Variants in MMP24 observed in about 807,000 individuals in gnomAD.
MMP24 encodes the protein matrix metallopeptidase 24.
MMP24 carries 25 observed loss-of-function variants against 62.8 expected under a neutral mutation model. That is an observed-to-expected ratio of 0.40 (90% CI 0.29 to 0.56). The LOEUF is 0.56. Ranked by LOEUF, MMP24 falls within the 20% of genes least tolerant of loss-of-function variation. The pLI is 0.50. For synonymous variants in MMP24, 319 were observed against 350.5 expected, an observed-to-expected ratio of 0.91 and a Z score of 1.00; for missense variants, 634 against 853.6, an observed-to-expected ratio of 0.74 and a Z score of 3.21.
At chr20:35,266,225 G>T (rs1008973254) in intron 5 of MMP24, among the ~76,000 whole-genome samples, 2 of 147,752 alleles carry the variant, frequency 1.4e-5, no homozygotes, top group South Asian at 4.3e-4. Context: ...GGTGGTACGT[G>T]CCTGTAGTCC....
At chr20:35,245,377 T>C (rs1374163657) in intron 1 of MMP24, among the ~76,000 whole-genome samples, 1 of 152,180 alleles carries the variant, frequency 6.6e-6, no homozygotes. Flanking sequence ...CATCTAACTA[T>C]ACTTACTTTA....
At chr20:35,260,262 G>A (rs777757350) in intron 4 of MMP24, among the ~76,000 whole-genome samples, 1 of 152,150 alleles carries the variant, frequency 6.6e-6, no homozygotes, top group Non-Finnish European at 1.5e-5. Context: ...CAGGATACTG[G>A]CTCCCTCGCT....
chr20:35,273,707 C>T (rs6060340), intron 8 of MMP24, among the ~76,000 whole-genome samples: 6 of 152,282 alleles, frequency 3.9e-5, no homozygotes, highest in African/African-American at 1.2e-4. Context: ...GGCTGTTGCT[C>T]GAGCCCTGGG....
At chr20:35,267,511 G>T (rs2060642552) in intron 6 of MMP24, 92 bp downstream of exon 6, 2 of 1,340,452 alleles carry the variant, frequency 1.5e-6, no homozygotes, top group African/African-American at 2.9e-5. Flanking sequence ...CCTGATTTGG[G>T]ATTCGATTAC....
At chr20:35,268,857 C>G (rs1426494871) in intron 6 of MMP24, among the ~76,000 whole-genome samples, 3 of 152,016 alleles carry the variant, frequency 2.0e-5, no homozygotes, top group Non-Finnish European at 4.4e-5. Context: ...GAAACCCCAT[C>G]TCTACTAAAA....
intron 4 of MMP24, 69 bp from the exon 5 acceptor site, chr20:35,263,722 T>C: frequency 7.5e-7 from 1 of 1,333,728 alleles, no homozygotes; most frequent in Non-Finnish European, 1.0e-6. Context: ...TTTGCTGAGG[T>C]AATGGGTTGG....
chr20:35,251,116 C>CT (rs59317276), intron 2 of MMP24, among the ~76,000 whole-genome samples: 4,567 of 138,748 alleles, frequency 0.033, 76 homozygotes, highest in Middle Eastern at 0.045. Context: ...TAAGCCACTT[C>CT]TTTTTTTTTT....
At chr20:35,273,846 G>A (rs376011902) in intron 8 of MMP24, among the ~76,000 whole-genome samples, 1 of 152,216 alleles carries the variant, frequency 6.6e-6, no homozygotes, top group Non-Finnish European at 1.5e-5. Flanking sequence ...GAGAGGTCTT[G>A]CTGTCAACAC....
intron 4 of MMP24, among the ~76,000 whole-genome samples, chr20:35,261,650 T>C (rs1432975068): frequency 6.6e-6 from 1 of 152,116 alleles, no homozygotes; most frequent in Non-Finnish European, 1.5e-5. Context: ...TAGCCAACAG[T>C]TCCCTGCTTC....
At chr20:35,232,790 G>C (rs1015796198) in intron 1 of MMP24, among the ~76,000 whole-genome samples, 5 of 152,186 alleles carry the variant, frequency 3.3e-5, no homozygotes, top group Non-Finnish European at 4.4e-5. Flanking sequence ...ACTGAGAGCA[G>C]ATTGTGCATT....
intron 5 of MMP24, 52 bp downstream of exon 5, chr20:35,264,004 C>G (rs112149535): frequency 6.6e-7 from 1 of 1,519,932 alleles, no homozygotes. Flanking sequence ...TGGGCTGTGA[C>G]TGCCTACCTG....
chr20:35,250,704 G>A (rs919013355), intron 2 of MMP24, among the ~76,000 whole-genome samples: 1 of 152,110 alleles, frequency 6.6e-6, no homozygotes, highest in Non-Finnish European at 1.5e-5. Context: ...AATCGTAGTA[G>A]AAGGCAAAGG....
chr20:35,268,318 G>A (rs1273391209), intron 6 of MMP24, among the ~76,000 whole-genome samples: 2 of 152,224 alleles, frequency 1.3e-5, no homozygotes, highest in African/African-American at 4.8e-5. Flanking sequence ...TGGCCACTGG[G>A]GCAACAAGCC....
At chr20:35,252,669 GCAGGATCCATCTCCAAGTCAGAT>G (rs1247758235) in intron 3 of MMP24, among the ~76,000 whole-genome samples, 1 of 152,242 alleles carries the variant, frequency 6.6e-6, no homozygotes, top group Non-Finnish European at 1.5e-5. Flanking sequence ...CAAGGGCAGA[GCAGGATCCATCTCCAAGTCAGAT>G]CAGTGGCCCA....
At chr20:35,252,045 C>T (rs779689470) in intron 3 of MMP24, 24 bp downstream of exon 3, 8 of 1,569,452 alleles carry the variant, frequency 5.1e-6, no homozygotes, top group Middle Eastern at 1.7e-4. Context: ...CCCTCTTCCT[C>T]CCTGCCTTTG....
rs1420057544 is a variant in MMP24 at position 35,251,973 on chromosome 20, G to A, written c.464G>A (p.Arg155His). The change falls in exon 3 of 9, where the codon CGC (arginine) becomes CAC (histidine). Residue 155 changes from arginine (R) to histidine (H), a missense_variant. This residue lies in a region of MMP24 where 212 missense variants were observed against 259.6 expected (regional missense o/e 0.82). Coordinates refer to ENST00000246186, the MANE Select transcript of MMP24 (RefSeq NM_006690.4). ...PHLSRRRRNK[R>H]YALTGQKWRQ... ...TTAAGCCGTAGGCGGAGAAACAAGCGCTATGCCCTGACTGGACAGAAGTGG... is the reference window on the plus strand; with the variant it reads ...TTAAGCCGTAGGCGGAGAAACAAGCACTATGCCCTGACTGGACAGAAGTGG... The A allele has an allele frequency of 6.2e-7, 1 of 1,614,040 alleles. No homozygotes were observed. Among genetic ancestry groups the A allele is most frequent in the East Asian group, 2.2e-5 (1 of 44,888 alleles).
Position 35,275,910 on chromosome 20 carries a change from CCAG to C in MMP24, c.*1305_*1307del, listed in dbSNP as rs1197637360. The C allele has an allele frequency of 2.5e-6, 1 of 398,060 alleles. No individual in the cohort carries two copies. The highest frequency in any genetic ancestry group is 4.4e-6 in the Non-Finnish European group (1 of 226,054). The allele number at this position is 398,060 out of a possible 1,614,324, so 24.7% of individuals were successfully genotyped here. On this transcript the variant is annotated 3_prime_UTR_variant, in exon 9 of 9. Transcript: ENST00000246186. Reference sequence around the variant, plus strand: ...TTCACTGGCCCGCCCTTCACTGTCTCCAGCAGGAGTTCCTAGGGCTTGGCCTGC... The same window carrying C: ...TTCACTGGCCCGCCCTTCACTGTCTCCAGGAGTTCCTAGGGCTTGGCCTGC...
chr20:35,270,930 C>T (rs558459746), intron 7 of MMP24, among the ~76,000 whole-genome samples: 36 of 152,334 alleles, frequency 2.4e-4, no homozygotes, highest in Middle Eastern at 3.4e-3. Context: ...ATCCTAGCTA[C>T]TCAGGAGGCT....
chr20:35,259,603 G>T (rs949815719), intron 4 of MMP24, among the ~76,000 whole-genome samples: 3 of 152,214 alleles, frequency 2.0e-5, no homozygotes, highest in African/African-American at 7.2e-5. Flanking sequence ...GGTTATTCCA[G>T]GGGAAGGGGC....
Sources: gnomAD v4.1 joint callset for allele counts (sites outside exome capture counted in the v4.1 genomes callset) on GRCh38, gnomAD v4.1.1 for gene constraint, gnomAD v4.1.1 regional missense constraint, MANE v1.5 for transcripts, NCBI Gene and HGNC (gene_info 2026-07-23, HGNC 2026-07-21) for gene names.